The following IQSEC1 variants were observed in gnomAD, a reference collection of about 807,000 sequenced individuals.
IQSEC1 encodes the protein IQ motif and Sec7 domain ArfGEF 1.
Under a neutral mutation model 91.0 loss-of-function variants are expected in IQSEC1, and 31 were observed. The ratio of observed to expected loss-of-function variants is 0.34; its 90% CI spans 0.26 to 0.46. The LOEUF (loss-of-function observed/expected upper bound fraction) is 0.46, where lower values mean the gene tolerates loss of function less well. IQSEC1 is among the 20% of genes least tolerant of loss of function. IQSEC1 has a pLI of 1.00. For missense variants in IQSEC1, 1,388 were observed against 1,575.6 expected (o/e 0.88, Z 2.02); for synonymous variants, 699 against 662.6 (o/e 1.05, Z -0.84).
intron 1 of IQSEC1, among the ~76,000 whole-genome samples, chr3:12,977,800 C>T (rs1023666159): frequency 2.0e-5 from 3 of 152,278 alleles, no homozygotes; most frequent in Non-Finnish European, 4.4e-5. Flanking sequence ...TTTTTGCAGT[C>T]ATCTTTATGT....
At chr3:13,007,398 G>A (rs1702682781) in intron 1 of IQSEC1, among the ~76,000 whole-genome samples, 1 of 152,202 alleles carries the variant, frequency 6.6e-6, no homozygotes, top group African/African-American at 2.4e-5. Context: ...GCCCCTGGGA[G>A]GAGGGCAGAG....
chr3:12,925,153 G>C (rs1045210528), intron 3 of IQSEC1, among the ~76,000 whole-genome samples: 5 of 152,078 alleles, frequency 3.3e-5, no homozygotes, highest in Non-Finnish European at 2.9e-5. Flanking sequence ...CCAAACTCCC[G>C]CACACACATT....
chr3:13,033,364 C>CA (rs1364200862), intron 1 of IQSEC1, among the ~76,000 whole-genome samples: 1 of 152,170 alleles, frequency 6.6e-6, no homozygotes, highest in Non-Finnish European at 1.5e-5. Flanking sequence ...TGAGTTTCCT[C>CA]ACAGTTCTGG....
intron 1 of IQSEC1, among the ~76,000 whole-genome samples, chr3:13,186,888 A>C (rs1406186545): frequency 1.3e-5 from 2 of 152,092 alleles, no homozygotes; most frequent in Non-Finnish European, 2.9e-5. Flanking sequence ...CAGGAGTAGA[A>C]TCTAAAGGCC....
At position 13,274,093 on chromosome 3, in the gene IQSEC1, C is replaced by T. The variant is rs749929389; in HGVS notation, c.272+8618G>A. Among the ~76,000 whole-genome samples, 31 of 152,214 alleles carry T rather than the reference C, an allele frequency of 2.0e-4. 1 individual carries two copies. The highest frequency in any genetic ancestry group is 7.2e-4 in the Admixed American group (11 of 15,286). On this transcript the variant is annotated intron_variant, in intron 1 of 15. Coordinates refer to the IQSEC1 transcript ENST00000648114. ...CCAAAGCCGGGACCCTCCCTCCAGT[C>T]CTGTCTTTGGGTTTTCCCAGGCTAC...
chr3:13,056,278 T>C (rs1287389642), intron 1 of IQSEC1, among the ~76,000 whole-genome samples: 1 of 152,032 alleles, frequency 6.6e-6, no homozygotes, highest in African/African-American at 2.4e-5. Flanking sequence ...GTACCTGCAA[T>C]CCTTGGAGTT....
At chr3:13,039,659 C>T (rs1191031491) in intron 1 of IQSEC1, among the ~76,000 whole-genome samples, 2 of 152,236 alleles carry the variant, frequency 1.3e-5, no homozygotes, top group Non-Finnish European at 2.9e-5. Context: ...GAGCATCCCC[C>T]TTTCCCCATG....
intron 2 of IQSEC1, among the ~76,000 whole-genome samples, chr3:13,119,896 C>T (rs568146282): frequency 2.5e-4 from 38 of 152,150 alleles, no homozygotes; most frequent in Admixed American, 1.8e-3. Context: ...AATGGAAGGC[C>T]GTCCACACTC....
At chr3:12,906,030 C>CT (rs146487461) in intron 12 of IQSEC1, among the ~76,000 whole-genome samples, 3 of 152,344 alleles carry the variant, frequency 2.0e-5, no homozygotes, top group East Asian at 3.9e-4. Flanking sequence ...CCCCTTCCCT[C>CT]TAACTCTTGG....
At chr3:13,148,764 C>T (rs1706939415) in intron 2 of IQSEC1, among the ~76,000 whole-genome samples, 1 of 152,256 alleles carries the variant, frequency 6.6e-6, no homozygotes, top group African/African-American at 2.4e-5. Context: ...TCACTTCAAG[C>T]CTGTGGAGTG....
rs771938423 is a variant in IQSEC1, at chr3:12,899,389, C to CT, written c.*1593dup. 21 of 1,612,956 alleles carry CT rather than the reference C, an allele frequency of 1.3e-5. No homozygotes were observed. The highest frequency in any genetic ancestry group is 1.8e-5 in the Non-Finnish European group (21 of 1,179,834). ...GGGGGGCAGTCCTCGGGTCCCATGG[C>CT]TTAGGAGCACAGCACTGACGGCTGC... is the stretch of plus-strand genomic sequence containing the variant. On this transcript the variant is annotated 3_prime_UTR_variant, in exon 14 of 14. Transcript: ENST00000613206.
chr3:13,073,188 G>C lies in IQSEC1; in HGVS notation c.-174C>G. The C allele has an allele frequency of 2.9e-6, 2 of 700,792 alleles. 1 individual carries two copies. The allele number at this position is 700,792 out of a possible 1,614,324, so 43.4% of individuals were successfully genotyped here. On this transcript the variant is annotated 5_prime_UTR_variant, in exon 1 of 14. Transcript: ENST00000613206. ...CCTCCAGGGAGGCTGGGGCGGGAGC[G>C]GGGGGCGGCGCCAGCAGCGGGCTGT...
intron 2 of IQSEC1, among the ~76,000 whole-genome samples, chr3:13,119,136 A>C (rs563104909): frequency 1.8e-4 from 27 of 152,326 alleles, no homozygotes; most frequent in Middle Eastern, 6.8e-3. Context: ...CAATTTAAAA[A>C]ACAAAGCAAT....
At chr3:12,984,971 C>T (rs887218351) in intron 1 of IQSEC1, among the ~76,000 whole-genome samples, 2 of 151,398 alleles carry the variant, frequency 1.3e-5, no homozygotes, top group Admixed American at 6.6e-5. Flanking sequence ...ATTACAGGCG[C>T]CCACCACCAC....
intron 1 of IQSEC1, among the ~76,000 whole-genome samples, chr3:13,267,643 A>C (rs1277783281): frequency 1.4e-5 from 2 of 140,888 alleles, no homozygotes; most frequent in Non-Finnish European, 1.5e-5. Flanking sequence ...TTTTAGACAG[A>C]GTCTCGCTCT....
At chr3:12,901,829 C>G (rs948330918) in intron 13 of IQSEC1, among the ~76,000 whole-genome samples, 6 of 152,184 alleles carry the variant, frequency 3.9e-5, no homozygotes, top group African/African-American at 1.4e-4. Flanking sequence ...TTGGCCCTGG[C>G]AGCAGCCTGA....
chr3:13,096,255 C>T (rs2125147574), intron 2 of IQSEC1, among the ~76,000 whole-genome samples: 1 of 152,364 alleles, frequency 6.6e-6, no homozygotes, highest in African/African-American at 2.4e-5. Context: ...GGTAAGACCT[C>T]CAGGCTACGC....
intron 2 of IQSEC1, among the ~76,000 whole-genome samples, chr3:13,134,382 G>A: frequency 6.6e-6 from 1 of 152,232 alleles, no homozygotes; most frequent in East Asian, 1.9e-4. Flanking sequence ...AAGGAGCATG[G>A]GGTGGTAAGG....
At position 13,071,163 on chromosome 3, in the gene IQSEC1, TTTTG is replaced by T. The variant is rs1299079189; in HGVS notation, c.23+1825_23+1828del. Among the ~76,000 whole-genome samples, 583 of 122,692 alleles carry T rather than the reference TTTTG, an allele frequency of 4.8e-3. 39 individuals carry two copies. In the South Asian group the frequency reaches 0.11, roughly 24 times the overall value. The allele number at this position is 122,692 out of a possible 152,430, so 80.5% of individuals were successfully genotyped here. On this transcript the variant is annotated intron_variant, in intron 1 of 13. Coordinates refer to ENST00000613206, the MANE Select transcript of IQSEC1 (RefSeq NM_001134382.3). Reference sequence around the variant, plus strand: ...ACACAGTTTTTTTTTGTTTTTTTTTTTTTGTTTGTTTCTTTAACTGCTCCTCAAG... The same window carrying T: ...ACACAGTTTTTTTTTGTTTTTTTTTTTTTGTTTCTTTAACTGCTCCTCAAG...
Sources: gnomAD v4.1 joint callset for allele counts (sites outside exome capture counted in the v4.1 genomes callset) on GRCh38, gnomAD v4.1.1 for gene constraint, MANE v1.5 for transcripts, NCBI Gene and HGNC (gene_info 2026-07-23, HGNC 2026-07-21) for gene names.